Variants in ZNF224 observed in about 807,000 individuals in gnomAD.
ZNF224 encodes bone marrow zinc finger 2.
A neutral mutation model predicts 10.5 loss-of-function variants in ZNF224; 8 were observed. The ratio of observed to expected loss-of-function variants is 0.76; its 90% CI spans 0.45 to 1.37. The LOEUF is 1.37. Among genes scored for constraint, ZNF224 ranks in the 40% most tolerant of loss-of-function variants. The probability of loss-of-function intolerance (pLI) is 0.00; values close to 1 mark genes in which losing one functional copy is unlikely to be tolerated. For synonymous variants in ZNF224, 282 were observed against 287.8 expected (o/e 0.98, Z 0.20); for missense variants, 754 against 854.0 (o/e 0.88, Z 1.46).
At chr19:44,103,699 T>A (rs117208592) in intron 5 of ZNF224, among the ~76,000 whole-genome samples, 5 of 152,150 alleles carry the variant, frequency 3.3e-5, no homozygotes, top group African/African-American at 9.7e-5. Context: ...TCTTCTTTTT[T>A]TATTTTTTTG....
In ZNF224 at chr19:44,108,938, C is replaced by A. The variant is rs1180853726; in HGVS notation, c.*654C>A. On this transcript the variant is annotated 3_prime_UTR_variant, in exon 6 of 6. Coordinates refer to ENST00000693561, the MANE Select transcript of ZNF224 (RefSeq NM_001321645.3). Reference sequence around the variant, plus strand: ...ATTATTTTTTCTTTTAAATTTTTTTCTTGATCAGATTTATCATATTCATTG... The same window carrying A: ...ATTATTTTTTCTTTTAAATTTTTTTATTGATCAGATTTATCATATTCATTG... 4 of 231,594 alleles carry A rather than the reference C, an allele frequency of 1.7e-5. No homozygotes were observed. The highest frequency in any genetic ancestry group is 2.7e-5 in the Non-Finnish European group (3 of 110,574). 14.3% of individuals were successfully genotyped at this position (231,594 alleles called of 1,614,324 possible).
At chr19:44,101,929 CT>C in intron 5 of ZNF224, among the ~76,000 whole-genome samples, 1 of 151,674 alleles carries the variant, frequency 6.6e-6, no homozygotes, top group East Asian at 1.9e-4. Context: ...CTTCTTATGC[CT>C]TCCTCTTTCA....
In ZNF224 at chr19:44,107,414, C is replaced by T. The variant is rs3208205; in HGVS notation, c.1254C>T (p.His418=). The change falls in exon 6 of 6, where the codon CAC becomes CAT. Residue 418 remains histidine, a synonymous_variant. Coordinates refer to ENST00000693561, the MANE Select transcript of ZNF224 (RefSeq NM_001321645.3). The part of the protein sequence containing the change: ...GFYTNSQCYS[H]QRSHSGEKPY... ...ACACAAATTCACAATGCTATTCCCA[C>T]CAGAGATCCCATAGTGGAGAAAAAC... 1 of 1,607,408 alleles carries T rather than the reference C, an allele frequency of 6.2e-7. No individual in the cohort carries two copies. Among genetic ancestry groups the T allele is most frequent in the Non-Finnish European group, 8.5e-7 (1 of 1,177,652 alleles).
Position 44,107,916 on chromosome 19 carries a change from C to G in ZNF224, c.1756C>G (p.His586Asp), listed in dbSNP as rs199525071. 1.9e-6 allele frequency: 3 copies of G among 1,614,136 alleles called. No individual in the cohort carries two copies. The highest frequency in any genetic ancestry group is 2.5e-6 in the Non-Finnish European group (3 of 1,180,036). The change falls in exon 6 of 6, where the codon CAT becomes GAT. Residue 586 changes from histidine (H) to aspartate (D), a missense_variant. Coordinates refer to ENST00000693561, the MANE Select transcript of ZNF224 (RefSeq NM_001321645.3). The part of the protein sequence containing the change: ...RFTQNSQLHS[H>D]QRVHTGEKPY... Reference sequence around the variant, plus strand: ...TACTCAGAATTCACAGCTTCATTCTCATCAAAGAGTGCACACTGGAGAAAA... The same window carrying G: ...TACTCAGAATTCACAGCTTCATTCTGATCAAAGAGTGCACACTGGAGAAAA...
intron 5 of ZNF224, 23 bp from the exon 6 acceptor site, chr19:44,106,373 C>A (rs1207518148): frequency 1.9e-6 from 3 of 1,612,910 alleles, no homozygotes; most frequent in Non-Finnish European, 1.7e-6. Context: ...TTGTCCTCAT[C>A]TTTTAATTCT....
At chr19:44,102,666 T>G (rs970932775) in intron 5 of ZNF224, among the ~76,000 whole-genome samples, 1 of 152,244 alleles carries the variant, frequency 6.6e-6, no homozygotes, top group Non-Finnish European at 1.5e-5. Flanking sequence ...TGGAAACTTC[T>G]AAGCATTCTA....
Position 44,097,859 on chromosome 19 carries a change from GAAGT to G in ZNF224, c.-11_-8del, listed in dbSNP as rs778623365. ...TCACTCAGGACTCTGCAAGTTTCCA[GAAGT>G]AAGAGGGAAAATGACCACGTTCAAG... On this transcript the variant is annotated 5_prime_UTR_variant, in exon 3 of 6. Transcript: ENST00000693561. 13 of 1,613,874 alleles carry G rather than the reference GAAGT, an allele frequency of 8.1e-6. No individual in the cohort carries two copies. Among genetic ancestry groups the G allele is most frequent in the Middle Eastern group, 1.6e-4 (1 of 6,062 alleles).
At chr19:44,098,335 A>G (rs1599660414) in intron 3 of ZNF224, among the ~76,000 whole-genome samples, 1 of 152,188 alleles carries the variant, frequency 6.6e-6, no homozygotes, top group East Asian at 1.9e-4. Context: ...TCCAGACACC[A>G]GGAACTCAGT....
intron 5 of ZNF224, 78 bp from the exon 6 acceptor site, chr19:44,106,318 C>A: frequency 6.8e-7 from 1 of 1,466,740 alleles, no homozygotes; most frequent in South Asian, 1.2e-5. Flanking sequence ...GAGTTTCCTG[C>A]CATGGCCTAA....
chr19:44,096,659 G>T (rs1599659578), intron 2 of ZNF224, among the ~76,000 whole-genome samples: 1 of 152,102 alleles, frequency 6.6e-6, no homozygotes, highest in South Asian at 2.1e-4. Context: ...TTCACTTAAG[G>T]TTCTTACAAG....
intron 2 of ZNF224, chr19:44,097,100 A>G: frequency 4.5e-6 from 1 of 224,064 alleles, no homozygotes; most frequent in Non-Finnish European, 9.2e-6. Context: ...CTTAAAAAAA[A>G]TTGAAAAGAA....
Position 44,107,056 on chromosome 19 carries a change from G to T in ZNF224, c.896G>T (p.Gly299Val). The change falls in exon 6 of 6, where the codon GGT becomes GTT. Residue 299 changes from glycine to valine, a missense_variant. Gly to Val is a moderately radical substitution (Grantham distance 109, BLOSUM62 -3). Transcript: ENST00000693561. Reference protein sequence around the residue: ...KCDICGKSFCGRSRLNRHSMV... With the variant: ...KCDICGKSFCVRSRLNRHSMV... ...GATATATGTGGTAAGAGCTTCTGTG[G>T]TAGATCAAGACTTAATAGGCATTCC... The T allele has an allele frequency of 1.2e-6, 2 of 1,601,974 alleles. No homozygotes were observed. Among genetic ancestry groups the T allele is most frequent in the Admixed American group, 1.7e-5 (1 of 59,386 alleles).
Position 44,096,555 on chromosome 19 carries a change from G to C in ZNF224, c.-69+124G>C, listed in dbSNP as rs1339033481. On this transcript the variant is annotated intron_variant, in intron 2 of 5. Transcript: ENST00000693561. ...ATCTATCCAAAGACTGCTAATAGTA[G>C]TTTATTGTATTATCTATTATACAGT... 4 of 152,120 alleles carry C rather than the reference G, an allele frequency of 2.6e-5. No individual in the cohort carries two copies. In the East Asian group the frequency reaches 5.8e-4, roughly 22 times the overall value. The allele number at this position is 152,120 out of a possible 1,614,324, so 9.4% of individuals were successfully genotyped here.
intron 1 of ZNF224, chr19:44,095,242 ATAAT>A: frequency 4.9e-6 from 1 of 202,068 alleles, no homozygotes; most frequent in African/African-American, 2.3e-5. Flanking sequence ...GGGGTCGATA[ATAAT>A]TAAGTCTTAA....
Position 44,108,626 on chromosome 19 carries a change from T to G in ZNF224, c.*342T>G. Reference sequence around the variant, plus strand: ...AGACAGGCCTTAGAAAGAGTAAGAGTTCATGAATTTACCAGACTAATGGTG... The same window carrying G: ...AGACAGGCCTTAGAAAGAGTAAGAGGTCATGAATTTACCAGACTAATGGTG... On this transcript the variant is annotated 3_prime_UTR_variant, in exon 6 of 6. Transcript: ENST00000693561. 2.0e-6 allele frequency: 1 copy of G among 496,258 alleles called. No individual in the cohort carries two copies. Among genetic ancestry groups the G allele is most frequent in the South Asian group, 1.5e-5 (1 of 67,620 alleles). 30.7% of individuals were successfully genotyped at this position (496,258 alleles called of 1,614,324 possible). A position where few individuals can be genotyped will look rare whatever the true frequency, so the allele number is the denominator to read the frequency against.
At chr19:44,097,777 CT>C in intron 2 of ZNF224, 28 bp from the exon 3 acceptor site, 8 of 1,449,750 alleles carry the variant, frequency 5.5e-6, no homozygotes, top group Middle Eastern at 1.8e-4. Flanking sequence ...TTTCATGTCT[CT>C]TTTTCTGCCT....
At chr19:44,105,876 C>A (rs7249827) in intron 5 of ZNF224, 129,824 of 153,158 alleles carry the variant, frequency 0.85, 55,305 homozygotes, top group Non-Finnish European at 0.88. Flanking sequence ...ATAGTATTCC[C>A]TGGTGAATAT....
At chr19:44,098,720 G>A (rs930699387) in intron 3 of ZNF224, among the ~76,000 whole-genome samples, 11 of 152,200 alleles carry the variant, frequency 7.2e-5, no homozygotes, top group Admixed American at 3.3e-4. Flanking sequence ...AGTGGCTGGG[G>A]TTACAGGCAT....
At chr19:44,102,067 C>T (rs990528927) in intron 5 of ZNF224, among the ~76,000 whole-genome samples, 3 of 152,200 alleles carry the variant, frequency 2.0e-5, no homozygotes, top group Admixed American at 1.3e-4. Context: ...TGTATAACAA[C>T]GTGATCATAA....
Sources: gnomAD v4.1 joint callset for allele counts (sites outside exome capture counted in the v4.1 genomes callset) on GRCh38, gnomAD v4.1.1 for gene constraint, MANE v1.5 for transcripts, NCBI Gene and HGNC (gene_info 2026-07-23, HGNC 2026-07-21) for gene names.